The following THSD7A variants were observed in gnomAD, a reference collection of about 807,000 sequenced individuals.
THSD7A encodes thrombospondin type-1 domain-containing protein 7A.
A neutral mutation model predicts 231.3 loss-of-function variants in THSD7A; 96 were observed. The ratio of observed to expected loss-of-function variants is 0.41; its 90% CI spans 0.35 to 0.49. The LOEUF (loss-of-function observed/expected upper bound fraction) is 0.49. Among genes scored for constraint, THSD7A ranks in the 20% least tolerant of loss-of-function variants. The probability of loss-of-function intolerance (pLI) is 0.05; values close to 1 mark genes in which losing one functional copy is unlikely to be tolerated. For synonymous variants in THSD7A, 940 were observed against 743.3 expected (o/e 1.26, Z -4.30); for missense variants, 2,290 against 2,070.2 (o/e 1.11, Z -2.06).
chr7:11,597,447 T>C lies in THSD7A; in HGVS notation c.1023-3945A>G, dbSNP rs149795242. Among the ~76,000 whole-genome samples the C allele has an allele frequency of 3.1e-3, 479 of 152,310 alleles. 8 individuals carry two copies. Among genetic ancestry groups the C allele is most frequent in the African/African-American group, 0.011 (458 of 41,568 alleles). Reference sequence around the variant, plus strand: ...AGGCTCTGCAATGGGTCCAGGCTGCTGTGCAAGCTGCTCTGCCACTTAGGC... The same window carrying C: ...AGGCTCTGCAATGGGTCCAGGCTGCCGTGCAAGCTGCTCTGCCACTTAGGC... On this transcript the variant is annotated intron_variant, in intron 2 of 27. Coordinates refer to ENST00000423059, the MANE Select transcript of THSD7A (RefSeq NM_015204.3).
intron 1 of THSD7A, among the ~76,000 whole-genome samples, chr7:11,781,146 G>A (rs1008910127): frequency 6.6e-6 from 1 of 151,904 alleles, no homozygotes; most frequent in African/African-American, 2.4e-5. Context: ...CACAAAGTCA[G>A]GAGATAAAGG....
chr7:11,441,668 A>G (rs1338168903), intron 13 of THSD7A, among the ~76,000 whole-genome samples: 1 of 152,020 alleles, frequency 6.6e-6, no homozygotes, highest in African/African-American at 2.4e-5. Flanking sequence ...TATTCATCAC[A>G]AGATTCCTCT....
intron 6 of THSD7A, among the ~76,000 whole-genome samples, chr7:11,523,709 T>G (rs1415438937): frequency 6.6e-6 from 1 of 152,054 alleles, no homozygotes; most frequent in Non-Finnish European, 1.5e-5. Flanking sequence ...ACAGGAATAA[T>G]TGACAGGAAG....
In THSD7A at chr7:11,590,479, A is replaced by T; in HGVS notation, c.1434T>A (p.Ser478Arg). Residue 478 changes from serine to arginine, a missense_variant, in exon 4 of 28, where the codon AGT becomes AGA. Coordinates refer to ENST00000423059, the MANE Select transcript of THSD7A (RefSeq NM_015204.3). This position sits in a 1 kb window ranked among gnomAD's most constrained non-coding sequence, Gnocchi z 4.4. ...GGTTACCTTCTTTGTTCTTGTGGGT[A>T]CTTAATTGTGAGAGGAGGTTTTCGT... ...QANENLLSQL[S>R]THKNKEASKP... The T allele has an allele frequency of 2.5e-6, 4 of 1,612,362 alleles. No individual in the cohort carries two copies. The highest frequency in any genetic ancestry group is 3.4e-6 in the Non-Finnish European group (4 of 1,179,292).
At chr7:11,536,501 G>A (rs544847429) in intron 6 of THSD7A, among the ~76,000 whole-genome samples, 101 of 152,124 alleles carry the variant, frequency 6.6e-4, no homozygotes, top group Non-Finnish European at 1.3e-3. Context: ...CTTTTCTCTG[G>A]AATTTGCCTC....
At chr7:11,472,917 C>G (rs1409376427) in intron 8 of THSD7A, among the ~76,000 whole-genome samples, 1 of 152,148 alleles carries the variant, frequency 6.6e-6, no homozygotes, top group Non-Finnish European at 1.5e-5. Context: ...GTTCTTGATC[C>G]AGCAAGAGTC....
At chr7:11,447,470 T>G in intron 11 of THSD7A, 46 bp from the exon 12 acceptor site, 1 of 1,432,158 alleles carries the variant, frequency 7.0e-7, no homozygotes, top group Middle Eastern at 1.8e-4. Context: ...AAACGTCTAA[T>G]TACTCTATAA....
At chr7:11,568,624 C>CAAAAAA (rs33930587) in intron 4 of THSD7A, among the ~76,000 whole-genome samples, 22 of 48,988 alleles carry the variant, frequency 4.5e-4, no homozygotes, top group East Asian at 7.6e-4. Flanking sequence ...AACTCCGTCT[C>CAAAAAA]AAAAAAAAAA....
chr7:11,815,618 C>T (rs1191028920), intron 1 of THSD7A, among the ~76,000 whole-genome samples: 1 of 152,092 alleles, frequency 6.6e-6, no homozygotes, highest in Non-Finnish European at 1.5e-5. Context: ...CCTAAGATAG[C>T]ATTTCTCTTG....
chr7:11,522,848 A>C (rs1788321556), intron 6 of THSD7A, among the ~76,000 whole-genome samples: 1 of 152,160 alleles, frequency 6.6e-6, no homozygotes, highest in South Asian at 2.1e-4. Flanking sequence ...GCACACATTT[A>C]ATAAAAATCA....
chr7:11,534,490 A>C (rs1317572366), intron 6 of THSD7A, among the ~76,000 whole-genome samples: 1 of 152,174 alleles, frequency 6.6e-6, no homozygotes, highest in African/African-American at 2.4e-5. Flanking sequence ...AGCTGACAGC[A>C]CCAATGCCAG....
chr7:11,480,117 A>G (rs1786362490), intron 7 of THSD7A, among the ~76,000 whole-genome samples: 2 of 152,214 alleles, frequency 1.3e-5, no homozygotes, highest in African/African-American at 4.8e-5. Context: ...ATAAACATCT[A>G]TAACTTTCCA....
chr7:11,461,391 A>C (rs1785500739), intron 10 of THSD7A, among the ~76,000 whole-genome samples: 1 of 152,174 alleles, frequency 6.6e-6, no homozygotes, highest in Admixed American at 6.5e-5. Context: ...TGATGCCATA[A>C]TACTTCATTT....
intron 1 of THSD7A, among the ~76,000 whole-genome samples, chr7:11,804,744 A>G (rs1784357500): frequency 1.3e-5 from 2 of 152,194 alleles, no homozygotes; most frequent in South Asian, 2.1e-4. Flanking sequence ...TGCTTTAAAT[A>G]TTGTGACTGA....
At chr7:11,694,508 T>C (rs1780329455) in intron 1 of THSD7A, among the ~76,000 whole-genome samples, 1 of 151,594 alleles carries the variant, frequency 6.6e-6, no homozygotes, top group Non-Finnish European at 1.5e-5. Flanking sequence ...AGAATACCAA[T>C]GAAAGTGCTT....
At chr7:11,586,564 T>C (rs1215754295) in intron 4 of THSD7A, among the ~76,000 whole-genome samples, 1 of 152,194 alleles carries the variant, frequency 6.6e-6, no homozygotes, top group Non-Finnish European at 1.5e-5. Context: ...CACTCTGATA[T>C]TTACTTTCTA....
chr7:11,653,431 G>A (rs555297742), intron 1 of THSD7A, among the ~76,000 whole-genome samples: 20 of 148,400 alleles, frequency 1.3e-4, no homozygotes, highest in African/African-American at 4.5e-4. Context: ...GAGGAACACC[G>A]AGATCCACTC....
At chr7:11,575,805 T>G (rs1447655816) in intron 4 of THSD7A, among the ~76,000 whole-genome samples, 2 of 152,244 alleles carry the variant, frequency 1.3e-5, no homozygotes, top group African/African-American at 4.8e-5. Flanking sequence ...ATATTTCTAC[T>G]AGTGGCCTAT....
At chr7:11,438,523 T>C (rs1279960304) in intron 13 of THSD7A, among the ~76,000 whole-genome samples, 2 of 151,970 alleles carry the variant, frequency 1.3e-5, no homozygotes, top group Admixed American at 6.6e-5. Context: ...CTCTGTAATA[T>C]CATTCACAAG....
Sources: gnomAD v4.1 joint callset for allele counts (sites outside exome capture counted in the v4.1 genomes callset) on GRCh38, gnomAD v4.1.1 for gene constraint, Gnocchi (gnomAD v3.1) non-coding constraint, MANE v1.5 for transcripts, NCBI Gene and HGNC (gene_info 2026-07-23, HGNC 2026-07-21) for gene names.